The following SPATA13 variants were observed in gnomAD, a reference collection of about 807,000 sequenced individuals.
SPATA13 encodes the protein spermatogenesis associated 13, also known as spermatogenesis-associated protein 13.
SPATA13 carries 50 observed loss-of-function variants against 104.0 expected under a neutral mutation model. The ratio of observed to expected loss-of-function variants is 0.48; its 90% confidence interval spans 0.38 to 0.61. The LOEUF is 0.61. Ranked by LOEUF, SPATA13 falls within the 20% of genes least tolerant of loss-of-function variation. The pLI is 0.00. For synonymous variants in SPATA13, 606 were observed against 667.5 expected (o/e 0.91, Z 1.42); for missense variants, 1,524 against 1,690.6 (o/e 0.90, Z 1.73).
chr13:24,066,344 A>AT (rs1000016225), intron 3 of SPATA13, among the ~76,000 whole-genome samples: 18 of 152,128 alleles, frequency 1.2e-4, no homozygotes, highest in Non-Finnish European at 2.4e-4. Flanking sequence ...TGAAACAAGC[A>AT]TTTTTTCTCC....
intron 3 of SPATA13, among the ~76,000 whole-genome samples, chr13:24,115,257 G>C (rs1292833571): frequency 2.0e-5 from 3 of 152,216 alleles, no homozygotes; most frequent in Non-Finnish European, 4.4e-5. Flanking sequence ...TGGCAGCAGT[G>C]ACTCTAGCCA....
chr13:24,063,742 A>G (rs1878854932), intron 3 of SPATA13, among the ~76,000 whole-genome samples: 1 of 152,148 alleles, frequency 6.6e-6, no homozygotes, highest in African/African-American at 2.4e-5. Context: ...ATAAAACAAA[A>G]TCAAAGAAAA....
intron 3 of SPATA13, chr13:24,123,261 A>G (rs1388316893): frequency 1.2e-6 from 2 of 1,603,036 alleles, no homozygotes; most frequent in Non-Finnish European, 1.7e-6. Context: ...TTCCACTTTC[A>G]CAGGCATTTC....
At chr13:24,212,296 G>GA (rs11288795) in intron 1 of SPATA13, among the ~76,000 whole-genome samples, 12 of 134,314 alleles carry the variant, frequency 8.9e-5, no homozygotes, top group East Asian at 4.5e-4. Context: ...CCCTGTTTAA[G>GA]AAAAAAAAAA....
At chr13:24,272,580 T>C (rs577665527) in intron 4 of SPATA13, 1 of 152,362 alleles carries the variant, frequency 6.6e-6, no homozygotes, top group Admixed American at 6.5e-5. Flanking sequence ...AGGGACTGCC[T>C]AGTGGCTCCC....
At chr13:24,156,552 T>C (rs1257006793), upstream of SPATA13, among the ~76,000 whole-genome samples, 2 of 152,222 alleles carry the variant, frequency 1.3e-5, no homozygotes, top group Non-Finnish European at 2.9e-5. Context: ...TAGATACTTA[T>C]GTGCTAAGAT....
In SPATA13 at chr13:24,176,617, A is replaced by G. The variant is rs956266404; in HGVS notation, c.-112+15685A>G. ...GGTCCTGGCAGGAATCCCAGAAATGACCCTCAGTCAGCCTTCTTTCTCTCA... is the reference window on the plus strand; with the variant it reads ...GGTCCTGGCAGGAATCCCAGAAATGGCCCTCAGTCAGCCTTCTTTCTCTCA... On this transcript the variant is annotated intron_variant, in intron 1 of 12. Coordinates refer to ENST00000382108, the MANE Select transcript of SPATA13 (RefSeq NM_001166271.3). Among the ~76,000 whole-genome samples the G allele has an allele frequency of 5.3e-5, 8 of 151,996 alleles. No individual in the cohort carries two copies. The East Asian group carries it at 1.5e-3, about 29-fold the overall frequency.
At chr13:24,241,655 C>T (rs1349475998) in intron 2 of SPATA13, among the ~76,000 whole-genome samples, 1 of 152,212 alleles carries the variant, frequency 6.6e-6, no homozygotes, top group Non-Finnish European at 1.5e-5. Flanking sequence ...TGGTTGGCCC[C>T]GTTTATGGGG....
At chr13:24,116,301 A>AGGACTCTGC (rs1880835334) in intron 3 of SPATA13, among the ~76,000 whole-genome samples, 1 of 152,240 alleles carries the variant, frequency 6.6e-6, no homozygotes, top group Non-Finnish European at 1.5e-5. Flanking sequence ...CCCAGCCATG[A>AGGACTCTGC]GGACTCTGCT....
intron 3 of SPATA13, among the ~76,000 whole-genome samples, chr13:24,089,307 A>AC (rs748964584): frequency 1.3e-4 from 20 of 151,894 alleles, no homozygotes; most frequent in South Asian, 2.1e-4. Context: ...TTTGCATGGG[A>AC]CCCCCCCACA....
At position 24,224,203 on chromosome 13, in the gene SPATA13, C is replaced by T. The variant is rs1365285912; in HGVS notation, c.1274C>T (p.Ser425Phe). ...KSSWAVESDS[S>F]CTCSSLPSPI... ...TCCTGGGCGGTGGAAAGCGACAGTTCCTGCACTTGCAGCTCTTTGCCAAGC... is the reference window on the plus strand; with the variant it reads ...TCCTGGGCGGTGGAAAGCGACAGTTTCTGCACTTGCAGCTCTTTGCCAAGC... Residue 425 changes from serine to phenylalanine, a missense_variant, in exon 2 of 13, where the codon TCC (serine) becomes TTC (phenylalanine). Physicochemically the swap from Ser to Phe is radical, Grantham distance 155. Around this residue, in one of 2 missense-constraint regions of SPATA13, gnomAD observed 1,089 missense variants for 1,135.9 expected, o/e 0.96. Coordinates refer to ENST00000382108, the MANE Select transcript of SPATA13 (RefSeq NM_001166271.3). 6.4e-7 allele frequency: 1 copy of T among 1,551,740 alleles called. No individual in the cohort carries two copies. The highest frequency in any genetic ancestry group is 2.4e-5 in the East Asian group (1 of 40,914).
At chr13:24,295,676 TCTC>T (rs1876728301) in intron 10 of SPATA13, among the ~76,000 whole-genome samples, 1 of 83,576 alleles carries the variant, frequency 1.2e-5, no homozygotes, top group Admixed American at 1.0e-4. Context: ...TCTCACTCTC[TCTC>T]TCTCTCTCTC....
At chr13:24,135,387 T>C (rs2137839746) in intron 3 of SPATA13, among the ~76,000 whole-genome samples, 1 of 152,276 alleles carries the variant, frequency 6.6e-6, no homozygotes, top group East Asian at 1.9e-4. Context: ...ATAATGTGCC[T>C]CACTTTCACT....
intron 3 of SPATA13, among the ~76,000 whole-genome samples, chr13:24,118,110 A>C (rs1880911152): frequency 6.6e-6 from 1 of 152,202 alleles, no homozygotes; most frequent in Non-Finnish European, 1.5e-5. Flanking sequence ...CACAAGCCCC[A>C]ATATTATGAG....
chr13:24,177,129 C>T (rs1394610293), intron 1 of SPATA13, among the ~76,000 whole-genome samples: 4 of 152,298 alleles, frequency 2.6e-5, no homozygotes, highest in African/African-American at 9.6e-5. Flanking sequence ...TGAAAATTAC[C>T]TTGTCAATTC....
chr13:24,188,394 A>T (rs898742447), intron 1 of SPATA13, among the ~76,000 whole-genome samples: 8 of 152,068 alleles, frequency 5.3e-5, no homozygotes, highest in African/African-American at 1.7e-4. Context: ...AAGAAAGTGA[A>T]ACAGCCTTAT....
intron 3 of SPATA13, among the ~76,000 whole-genome samples, chr13:24,100,371 CA>C (rs1880218068): frequency 6.6e-6 from 1 of 152,188 alleles, no homozygotes; most frequent in Non-Finnish European, 1.5e-5. Flanking sequence ...TCAGCTTATG[CA>C]TTTAGTTTGC....
intron 2 of SPATA13, among the ~76,000 whole-genome samples, chr13:23,994,616 C>T (rs893615333): frequency 2.6e-5 from 4 of 152,182 alleles, no homozygotes; most frequent in African/African-American, 7.2e-5. Flanking sequence ...AATGACCACA[C>T]GTGGGACATG....
chr13:24,069,041 T>C (rs1018082286), intron 3 of SPATA13, among the ~76,000 whole-genome samples: 1 of 152,186 alleles, frequency 6.6e-6, no homozygotes, highest in Non-Finnish European at 1.5e-5. Flanking sequence ...TCTTGCGTAG[T>C]ATAGTCAGGT....
Sources: gnomAD v4.1 joint callset for allele counts (sites outside exome capture counted in the v4.1 genomes callset) on GRCh38, gnomAD v4.1.1 for gene constraint, gnomAD v4.1.1 regional missense constraint, MANE v1.5 for transcripts, NCBI Gene and HGNC (gene_info 2026-07-23, HGNC 2026-07-21) for gene names.